Variants in FBXW11 observed in about 807,000 individuals in gnomAD.
The protein encoded by FBXW11 is F-box and WD repeat domain containing 11, also known as F-box/WD repeat-containing protein 11.
A neutral mutation model predicts 77.6 loss-of-function variants in FBXW11; 19 were observed. That is an observed-to-expected ratio of 0.24 (90% CI 0.17 to 0.36). FBXW11 has a LOEUF of 0.36. FBXW11 is among the 10% of genes least tolerant of loss of function. The pLI, the probability that FBXW11 is intolerant of heterozygous loss-of-function variation, is 1.00. For missense variants in FBXW11, 334 were observed against 704.2 expected (o/e 0.47, Z 5.95); for synonymous variants, 235 against 249.4 (o/e 0.94, Z 0.54).
Position 171,891,485 on chromosome 5 carries a change from T to A in FBXW11, c.834A>T (p.Leu278=). 6.3e-7 allele frequency: 1 copy of A among 1,598,024 alleles called. No individual in the cohort carries two copies. The highest frequency in any genetic ancestry group is 8.5e-7 in the Non-Finnish European group (1 of 1,173,638). ...CATTCACCTTAATAGAATTATCTCGTAGGCCACTGATAATTTTTTCATCAT... is the reference window on the plus strand; with the variant it reads ...CATTCACCTTAATAGAATTATCTCGAAGGCCACTGATAATTTTTTCATCAT... The part of the protein sequence containing the change: ...QYDDEKIISG[L]RDNSIKIWDK... Residue 278 remains leucine, a synonymous_variant, in exon 7 of 14, where the codon CTA becomes CTT. Coordinates refer to ENST00000517395, the MANE Select transcript of FBXW11 (RefSeq NM_001378974.1).
At chr5:171,937,427 A>G (rs1227136233) in intron 2 of FBXW11, among the ~76,000 whole-genome samples, 1 of 152,198 alleles carries the variant, frequency 6.6e-6, no homozygotes, top group Non-Finnish European at 1.5e-5. Flanking sequence ...TGAGCTTTGC[A>G]GGACTCACTG....
chr5:171,895,406 G>C (rs1006625372), intron 6 of FBXW11, among the ~76,000 whole-genome samples: 7 of 152,098 alleles, frequency 4.6e-5, no homozygotes, highest in African/African-American at 1.7e-4. Context: ...TTCTGGTCAG[G>C]ACAATGTTAA....
rs1164383563 is a variant in FBXW11, at chr5:171,952,447, A to ATTTTTTTT, written c.147+5142_147+5149dup. 3.5e-3 allele frequency among the ~76,000 whole-genome samples: 24 copies of ATTTTTTTT among 6,950 alleles called. 2 individuals carry two copies. The highest frequency in any genetic ancestry group is 5.7e-3 in the Non-Finnish European group (18 of 3,154). 4.6% of individuals were successfully genotyped at this position (6,950 alleles called of 152,430 possible). A position where few individuals can be genotyped will look rare whatever the true frequency, so the allele number is the denominator to read the frequency against. ...CATATATATATATATATATATATAT[A>ATTTTTTTT]TTTTTTTTTTTTTTTTTTTTTTTGA... On this transcript the variant is annotated intron_variant, in intron 2 of 13. Coordinates refer to ENST00000517395, the MANE Select transcript of FBXW11 (RefSeq NM_001378974.1).
chr5:171,941,792 C>A (rs1223659742), intron 2 of FBXW11, among the ~76,000 whole-genome samples: 2 of 149,722 alleles, frequency 1.3e-5, no homozygotes, highest in African/African-American at 2.5e-5. Flanking sequence ...AGCTCATATC[C>A]CCAGGAATAA....
chr5:171,959,932 A>C (rs921242504), intron 1 of FBXW11, among the ~76,000 whole-genome samples: 1 of 152,208 alleles, frequency 6.6e-6, no homozygotes, highest in African/African-American at 2.4e-5. Context: ...AACTGATGGC[A>C]GAATTAGGAC....
chr5:171,950,958 C>T (rs1041240571), intron 2 of FBXW11, among the ~76,000 whole-genome samples: 2 of 151,836 alleles, frequency 1.3e-5, no homozygotes, highest in African/African-American at 4.8e-5. Context: ...AGATTGCATA[C>T]CCTCCTATGA....
rs75474740 is a variant in FBXW11, at chr5:171,946,002, G to C, written c.147+11595C>G. 3.5e-3 allele frequency among the ~76,000 whole-genome samples: 527 copies of C among 152,246 alleles called. 1 individual carries two copies. The highest frequency in any genetic ancestry group is 0.01 in the Middle Eastern group (3 of 294). ...TCTATTAGCAGATATTGGTGTAAGG[G>C]TATTGTTAGGTATGATTAACATTTA... On this transcript the variant is annotated intron_variant, in intron 2 of 13. Transcript: ENST00000517395.
chr5:171,968,392 A>T (rs1202635803), intron 1 of FBXW11, among the ~76,000 whole-genome samples: 1 of 150,416 alleles, frequency 6.6e-6, no homozygotes, highest in African/African-American at 2.4e-5. Context: ...CGGGAGGCGG[A>T]GCTTGCAGTG....
intron 1 of FBXW11, among the ~76,000 whole-genome samples, chr5:172,002,373 C>A (rs1029940458): frequency 1.3e-5 from 2 of 151,448 alleles, no homozygotes; most frequent in African/African-American, 4.9e-5. Context: ...TGAGCCAATG[C>A]CTCTTTAGGC....
At chr5:171,925,494 T>C (rs1761842236) in intron 2 of FBXW11, among the ~76,000 whole-genome samples, 1 of 152,218 alleles carries the variant, frequency 6.6e-6, no homozygotes, top group African/African-American at 2.4e-5. Flanking sequence ...TGTTTTATTT[T>C]GTTTGAGACA....
chr5:171,931,871 C>G (rs1457356824), intron 2 of FBXW11, among the ~76,000 whole-genome samples: 1 of 111,744 alleles, frequency 8.9e-6, no homozygotes, highest in Non-Finnish European at 1.8e-5. Flanking sequence ...CTCTCTCTCT[C>G]TCTCTCTCTC....
intron 2 of FBXW11, among the ~76,000 whole-genome samples, chr5:171,938,617 C>A (rs1268152888): frequency 1.3e-5 from 2 of 152,150 alleles, no homozygotes; most frequent in Non-Finnish European, 2.9e-5. Context: ...ACTAATTGTG[C>A]ATTTACTTTT....
At chr5:171,969,517 T>C (rs920610519) in intron 1 of FBXW11, among the ~76,000 whole-genome samples, 3 of 152,240 alleles carry the variant, frequency 2.0e-5, no homozygotes, top group South Asian at 2.1e-4. Context: ...AATGCTTTGA[T>C]AGACAAAAAT....
chr5:171,924,718 C>T (rs1457887183), intron 2 of FBXW11, among the ~76,000 whole-genome samples: 11 of 152,162 alleles, frequency 7.2e-5, no homozygotes, highest in African/African-American at 2.4e-4. Context: ...CAGAGCAGGG[C>T]GACAGGATTA....
chr5:171,929,513 G>A (rs182826098), intron 2 of FBXW11, among the ~76,000 whole-genome samples: 113 of 152,272 alleles, frequency 7.4e-4, no homozygotes, highest in Admixed American at 2.2e-3. Context: ...GAATGTAGAT[G>A]GTATGACTGT....
intron 1 of FBXW11, among the ~76,000 whole-genome samples, chr5:171,966,397 T>A (rs752785576): frequency 2.0e-5 from 3 of 152,174 alleles, no homozygotes; most frequent in Non-Finnish European, 4.4e-5. Context: ...TTCAAAAATG[T>A]CACCAAGTTT....
chr5:172,001,694 CCAGA>C (rs1043349731), intron 1 of FBXW11, among the ~76,000 whole-genome samples: 1 of 152,166 alleles, frequency 6.6e-6, no homozygotes, highest in Non-Finnish European at 1.5e-5. Flanking sequence ...GACACAAAAA[CCAGA>C]CAGTCTCTGC....
chr5:171,967,883 T>TATATATATATACACAC (rs1244744249), intron 1 of FBXW11, among the ~76,000 whole-genome samples: 2 of 74,974 alleles, frequency 2.7e-5, no homozygotes, highest in African/African-American at 1.2e-4. Context: ...TATATATATA[T>TATATATATATACACAC]ACACACACAC....
At chr5:171,887,122 C>A (rs1157018029) in intron 7 of FBXW11, among the ~76,000 whole-genome samples, 2 of 152,136 alleles carry the variant, frequency 1.3e-5, no homozygotes, top group Non-Finnish European at 2.9e-5. Flanking sequence ...ATTCTCAGAG[C>A]CTTTATATGC....
Sources: allele counts gnomAD v4.1 joint callset (sites outside exome capture counted in the v4.1 genomes callset), GRCh38; gene constraint gnomAD v4.1.1; transcripts MANE v1.5; gene names NCBI Gene and HGNC (gene_info 2026-07-23, HGNC 2026-07-21).